Variants in TANC1 observed in about 807,000 individuals in gnomAD.
TANC1 encodes tetratricopeptide repeat, ankyrin repeat and coiled-coil containing 1.
TANC1 carries 77 observed loss-of-function variants against 149.7 expected under a neutral mutation model. The observed-to-expected ratio is 0.51, with a 90% CI of 0.43 to 0.62. TANC1 has a LOEUF of 0.62. Among genes scored for constraint, TANC1 ranks in the 20% least tolerant of loss-of-function variants. TANC1 has a pLI of 0.00. For missense variants in TANC1, 1,985 were observed against 2,321.8 expected (o/e 0.85, Z 2.98); for synonymous variants, 854 against 925.0 (o/e 0.92, Z 1.39).
chr2:159,160,266 T>C (rs2053909241), intron 7 of TANC1, among the ~76,000 whole-genome samples: 3 of 152,158 alleles, frequency 2.0e-5, no homozygotes, highest in Admixed American at 2.0e-4. Context: ...AATGCTAGAA[T>C]TTTTAAATTA....
chr2:159,124,374 C>G (rs966746097), intron 4 of TANC1, among the ~76,000 whole-genome samples: 3 of 151,994 alleles, frequency 2.0e-5, no homozygotes, highest in Non-Finnish European at 4.4e-5. Context: ...AGTGGGGCAT[C>G]GGAATCACTC....
intron 2 of TANC1, among the ~76,000 whole-genome samples, chr2:159,035,571 A>C (rs781193147): frequency 6.6e-6 from 1 of 152,222 alleles, no homozygotes; most frequent in Admixed American, 6.5e-5. Flanking sequence ...CGCTGTAGTT[A>C]TAAGTAACCT....
intron 4 of TANC1, among the ~76,000 whole-genome samples, chr2:159,124,641 G>A (rs996209344): frequency 1.3e-5 from 2 of 152,248 alleles, no homozygotes; most frequent in East Asian, 1.9e-4. Flanking sequence ...TAGGAAGATC[G>A]ATCTTTCCTC....
Position 159,191,912 on chromosome 2 carries a change from G to A in TANC1, c.2743-2345G>A, listed in dbSNP as rs547717427. ...GAGGACCTGCCAGGCTTTGGCAGGG[G>A]CAGTGATTGATGTGGGTCAGGACCA... On this transcript the variant is annotated intron_variant, in intron 16 of 26. Coordinates refer to ENST00000263635, the MANE Select transcript of TANC1 (RefSeq NM_033394.3). 7.9e-5 allele frequency among the ~76,000 whole-genome samples: 12 copies of A among 152,228 alleles called. No individual in the cohort carries two copies. The South Asian group carries it at 1.7e-3, about 21-fold the overall frequency.
At chr2:158,968,845 A>G (rs116434948) in intron 1 of TANC1, 63 bp downstream of exon 1, 13,929 of 152,218 alleles carry the variant, frequency 0.092, 667 homozygotes, top group Middle Eastern at 0.11. Context: ...GCCAGCTGCC[A>G]GTGTGCGGAG....
At position 159,196,663 on chromosome 2, in the gene TANC1, G is replaced by A. The variant is rs1162873229; in HGVS notation, c.3035G>A (p.Gly1012Asp). 1.2e-6 allele frequency: 2 copies of A among 1,614,068 alleles called. No homozygotes were observed. Among genetic ancestry groups the A allele is most frequent in the Non-Finnish European group, 1.7e-6 (2 of 1,179,960 alleles). Residue 1012 changes from glycine to aspartate, a missense_variant, in exon 18 of 27, where the codon GGC becomes GAC. Physicochemically the swap from Gly to Asp is moderately conservative, Grantham distance 94. Coordinates refer to ENST00000263635, the MANE Select transcript of TANC1 (RefSeq NM_033394.3). The stretch of plus-strand genomic sequence containing the variant: ...GCGCTTGTCCACAGTGCCCTACGGG[G>A]CCACGGTGACATTCTCCAGTACCTG... ...QCALVHSALR[G>D]HGDILQYLLT... is the part of the protein sequence containing the mutation.
chr2:159,190,228 C>T (rs2057335813), intron 16 of TANC1, among the ~76,000 whole-genome samples: 1 of 152,196 alleles, frequency 6.6e-6, no homozygotes. Flanking sequence ...TGGCTGAGAA[C>T]TCACACCACT....
intron 2 of TANC1, 25 bp from the exon 3 acceptor site, chr2:159,065,871 T>C: frequency 6.3e-7 from 1 of 1,589,398 alleles, no homozygotes; most frequent in Non-Finnish European, 8.6e-7. Flanking sequence ...TTAATTCCTC[T>C]TCTCTCTGTT....
At chr2:159,168,137 G>C (rs756615905) in intron 8 of TANC1, among the ~76,000 whole-genome samples, 1 of 151,976 alleles carries the variant, frequency 6.6e-6, no homozygotes, top group Admixed American at 6.6e-5. Flanking sequence ...AACCAAATTA[G>C]GTTAATTTTA....
intron 2 of TANC1, chr2:159,059,985 A>G (rs1209693520): frequency 6.1e-5 from 7 of 115,696 alleles, no homozygotes; most frequent in Non-Finnish European, 6.5e-5. Context: ...GTTTTTTCTT[A>G]TTTGCTTTAG....
chr2:159,185,723 T>G, intron 14 of TANC1, 68 bp from the exon 15 acceptor site: 1 of 1,041,240 alleles, frequency 9.6e-7, no homozygotes, highest in Non-Finnish European at 1.5e-6. Context: ...GGGTGGTGAA[T>G]TGAGGGTGGG....
intron 7 of TANC1, among the ~76,000 whole-genome samples, chr2:159,158,363 A>G (rs1173452979): frequency 6.6e-6 from 1 of 151,824 alleles, no homozygotes; most frequent in East Asian, 1.9e-4. Flanking sequence ...CTGTCTCGAA[A>G]CAAAAAAAAA....
At chr2:159,223,975 G>A (rs182542687) in intron 22 of TANC1, among the ~76,000 whole-genome samples, 3 of 152,320 alleles carry the variant, frequency 2.0e-5, no homozygotes, top group Non-Finnish European at 4.4e-5. Flanking sequence ...TCACGCATGT[G>A]TGCACACACC....
intron 4 of TANC1, among the ~76,000 whole-genome samples, chr2:159,106,305 G>T (rs553639332): frequency 2.6e-5 from 4 of 152,156 alleles, no homozygotes; most frequent in African/African-American, 9.6e-5. Context: ...TTCACATTCC[G>T]CCCTGCCCTT....
intron 3 of TANC1, among the ~76,000 whole-genome samples, chr2:159,093,549 T>A (rs2045769354): frequency 6.6e-6 from 1 of 152,180 alleles, no homozygotes; most frequent in Admixed American, 6.5e-5. Context: ...GGCTCCAGAG[T>A]GCTAGATCCA....
At chr2:159,075,024 G>A (rs2043518935) in intron 3 of TANC1, among the ~76,000 whole-genome samples, 1 of 151,970 alleles carries the variant, frequency 6.6e-6, no homozygotes, top group Non-Finnish European at 1.5e-5. Context: ...TGTCACATTG[G>A]GAGTTAGAGC....
chr2:159,112,549 C>T (rs982613610), intron 4 of TANC1, among the ~76,000 whole-genome samples: 3 of 142,344 alleles, frequency 2.1e-5, no homozygotes, highest in Admixed American at 7.8e-5. Flanking sequence ...AGCCACTGCA[C>T]CCAGCCTTTT....
At position 159,079,338 on chromosome 2, in the gene TANC1, G is replaced by A. The variant is rs996029882; in HGVS notation, c.61+13367G>A. 1.2e-3 allele frequency among the ~76,000 whole-genome samples: 144 copies of A among 121,824 alleles called. 1 individual carries two copies. Among genetic ancestry groups the A allele is most frequent in the African/African-American group, 4.1e-3 (130 of 32,082 alleles). The allele number at this position is 121,824 out of a possible 152,430, so 79.9% of individuals were successfully genotyped here. A position where few individuals can be genotyped will look rare whatever the true frequency, so the allele number is the denominator to read the frequency against. ...GAGCAACCTCACTTGGCTGAAAAGT[G>A]TGTGTGTCTTTTTTTTTTTTTTTTT... On this transcript the variant is annotated intron_variant, in intron 3 of 26. Coordinates refer to ENST00000263635, the MANE Select transcript of TANC1 (RefSeq NM_033394.3).
chr2:159,150,767 G>T, intron 7 of TANC1: 3 of 417,486 alleles, frequency 7.2e-6, no homozygotes, highest in African/African-American at 2.9e-5. Context: ...ATAACAGTCA[G>T]CTCATTTGTT....
Sources: gnomAD v4.1 joint callset for allele counts (sites outside exome capture counted in the v4.1 genomes callset) on GRCh38, gnomAD v4.1.1 for gene constraint, MANE v1.5 for transcripts, NCBI Gene and HGNC (gene_info 2026-07-23, HGNC 2026-07-21) for gene names.